ZHX2: variants seen among roughly 807,000 people sequenced by gnomAD.
ZHX2 encodes the protein zinc fingers and homeoboxes 2.
Under a neutral mutation model 21.9 loss-of-function variants are expected in ZHX2, and 6 were observed. That is an observed-to-expected ratio of 0.27 (90% CI 0.15 to 0.54). The LOEUF (loss-of-function observed/expected upper bound fraction) is 0.54. ZHX2 is among the 20% of genes least tolerant of loss of function. The pLI is 0.95. For missense variants in ZHX2, 908 were observed against 1,090.7 expected (o/e 0.83, Z 2.36); for synonymous variants, 434 against 437.1 (o/e 0.99, Z 0.09).
chr8:122,826,166 G>A (rs147240244), intron 1 of ZHX2, among the ~76,000 whole-genome samples: 1 of 152,260 alleles, frequency 6.6e-6, no homozygotes, highest in African/African-American at 2.4e-5. Context: ...CCAGCCCTGG[G>A]TTTAGCAGGT....
intron 2 of ZHX2, among the ~76,000 whole-genome samples, chr8:122,943,163 G>T (rs1812888150): frequency 6.6e-6 from 1 of 152,140 alleles, no homozygotes; most frequent in African/African-American, 2.4e-5. Flanking sequence ...TCAGGAGGCT[G>T]AGGCAGGAGA....
chr8:122,960,700 G>A (rs569592062), intron 3 of ZHX2, among the ~76,000 whole-genome samples: 11 of 152,286 alleles, frequency 7.2e-5, no homozygotes, highest in Middle Eastern at 3.4e-3. Context: ...TGGCCATGGT[G>A]GGCATGACTT....
At chr8:122,847,585 C>G (rs1036975835) in intron 1 of ZHX2, among the ~76,000 whole-genome samples, 1 of 152,208 alleles carries the variant, frequency 6.6e-6, no homozygotes, top group Non-Finnish European at 1.5e-5. Context: ...AGCAGGTGCC[C>G]TGACACACTG....
chr8:122,912,472 G>A (rs1442593048), intron 2 of ZHX2, among the ~76,000 whole-genome samples: 1 of 152,158 alleles, frequency 6.6e-6, no homozygotes, highest in Admixed American at 6.5e-5. Flanking sequence ...GGAGGTGGGA[G>A]GTGGGAGGTG....
At chr8:122,961,487 T>G (rs1388803064) in intron 3 of ZHX2, among the ~76,000 whole-genome samples, 1 of 152,238 alleles carries the variant, frequency 6.6e-6, no homozygotes, top group Non-Finnish European at 1.5e-5. Flanking sequence ...GTTTTCATAC[T>G]GCTATAAAGA....
chr8:122,850,707 C>T (rs1818872132), intron 1 of ZHX2, among the ~76,000 whole-genome samples: 1 of 151,244 alleles, frequency 6.6e-6, no homozygotes, highest in Non-Finnish European at 1.5e-5. Flanking sequence ...GTTGGCTGTC[C>T]TCTCACCTTC....
intron 2 of ZHX2, among the ~76,000 whole-genome samples, chr8:122,867,837 A>G (rs1018496443): frequency 5.9e-5 from 9 of 152,202 alleles, no homozygotes; most frequent in African/African-American, 2.2e-4. Context: ...CACTGAAAGC[A>G]TAGCTTTTTT....
chr8:122,869,887 G>A (rs1200273077), intron 2 of ZHX2, among the ~76,000 whole-genome samples: 2 of 152,160 alleles, frequency 1.3e-5, no homozygotes, highest in Non-Finnish European at 2.9e-5. Flanking sequence ...ATGAGTCTGT[G>A]GAAGGTGCTT....
chr8:122,893,802 T>G (rs2129883634), intron 2 of ZHX2, among the ~76,000 whole-genome samples: 1 of 152,372 alleles, frequency 6.6e-6, no homozygotes, highest in South Asian at 2.1e-4. Flanking sequence ...TGTATTTCTC[T>G]TCAGACATTT....
rs566016206 is a variant in ZHX2, at chr8:122,853,509, C to T, written c.-282-9968C>T. 5.9e-5 allele frequency among the ~76,000 whole-genome samples: 9 copies of T among 152,308 alleles called. No homozygotes were observed. The South Asian group carries it at 1.9e-3, about 32-fold the overall frequency. On this transcript the variant is annotated intron_variant, in intron 1 of 3. Coordinates refer to ENST00000314393, the MANE Select transcript of ZHX2 (RefSeq NM_014943.5). ...GGTCATGTAAGACAATGTCCAAATT[C>T]CTCAGTGTGGTGTGCATGCACCCCT...
intron 2 of ZHX2, among the ~76,000 whole-genome samples, chr8:122,865,557 G>A (rs1485945024): frequency 6.6e-6 from 1 of 152,142 alleles, no homozygotes; most frequent in African/African-American, 2.4e-5. Context: ...GGCAGCCCAG[G>A]GAGGCAATGT....
intron 3 of ZHX2, among the ~76,000 whole-genome samples, chr8:122,965,219 A>G (rs7017221): frequency 0.13 from 19,485 of 150,784 alleles, 1,268 homozygotes; most frequent in Middle Eastern, 0.23. Flanking sequence ...TTGTTTCTCT[A>G]GTTTCTTGAG....
rs1813145053 is a variant in ZHX2 at position 122,952,403 on chromosome 8, C to T, written c.893C>T (p.Ala298Val). 2 of 1,614,178 alleles carry T rather than the reference C, an allele frequency of 1.2e-6. No homozygotes were observed. Among genetic ancestry groups the T allele is most frequent in the Admixed American group, 1.7e-5 (1 of 60,010 alleles). The change falls in exon 3 of 4, where the codon GCC (alanine) becomes GTC (valine). Residue 298 changes from alanine to valine, a missense_variant. By Grantham distance (64) the Ala-to-Val change is moderately conservative (BLOSUM62 0). Around this residue, in one of 4 missense-constraint regions of ZHX2, gnomAD observed 232 missense variants for 361.8 expected, o/e 0.64. Transcript: ENST00000314393. This position sits in a 1 kb window ranked among gnomAD's most constrained non-coding sequence, Gnocchi z 6.9. ...GCTGAGTTGTCCTGGCTGACAGCTG[C>T]CTCCAAACACCCAGAGGAGCACATC... ...TQAELSWLTA[A>V]SKHPEEHIRI...
intron 2 of ZHX2, among the ~76,000 whole-genome samples, chr8:122,927,671 A>T (rs1371479299): frequency 6.6e-6 from 1 of 152,028 alleles, no homozygotes; most frequent in Admixed American, 6.5e-5. Flanking sequence ...ATCAGATCTC[A>T]TGAGACTCAT....
intron 2 of ZHX2, among the ~76,000 whole-genome samples, chr8:122,894,805 T>TA (rs1028641681): frequency 7.9e-5 from 12 of 151,888 alleles, no homozygotes; most frequent in South Asian, 2.1e-4. Context: ...ATAAAAAATT[T>TA]AAAAAAAATC....
At chr8:122,906,620 G>A (rs917380767) in intron 2 of ZHX2, among the ~76,000 whole-genome samples, 1 of 150,862 alleles carries the variant, frequency 6.6e-6, no homozygotes, top group African/African-American at 2.4e-5. Flanking sequence ...GAGAAGCAGA[G>A]ATGGGAGATA....
chr8:122,944,684 C>A (rs1365484469), intron 2 of ZHX2, among the ~76,000 whole-genome samples: 1 of 152,194 alleles, frequency 6.6e-6, no homozygotes, highest in Non-Finnish European at 1.5e-5. Flanking sequence ...CAGCATCTGG[C>A]ACCACTAGGT....
intron 2 of ZHX2, among the ~76,000 whole-genome samples, chr8:122,876,451 T>C (rs1402757560): frequency 1.3e-5 from 2 of 152,166 alleles, no homozygotes; most frequent in African/African-American, 4.8e-5. Context: ...GAAGAGCAGC[T>C]GAACTACAAA....
At chr8:122,919,003 A>G (rs79378803) in intron 2 of ZHX2, among the ~76,000 whole-genome samples, 1,870 of 152,008 alleles carry the variant, frequency 0.012, 38 homozygotes, top group African/African-American at 0.043. Context: ...TAGTTTGCCA[A>G]CCCCTGTCCC....
Sources: gnomAD v4.1 joint callset for allele counts (sites outside exome capture counted in the v4.1 genomes callset) on GRCh38, gnomAD v4.1.1 for gene constraint, gnomAD v4.1.1 regional missense constraint, Gnocchi (gnomAD v3.1) non-coding constraint, MANE v1.5 for transcripts, NCBI Gene and HGNC (gene_info 2026-07-23, HGNC 2026-07-21) for gene names.